Variants in DGKI observed in about 807,000 individuals in gnomAD.
DGKI encodes DAG kinase iota.
A neutral mutation model predicts 147.5 loss-of-function variants in DGKI; 55 were observed. The observed-to-expected ratio is 0.37, with a 90% confidence interval of 0.30 to 0.47. The LOEUF is 0.47. Among genes scored for constraint, DGKI ranks in the 20% least tolerant of loss-of-function variants. The pLI is 1.00. For missense variants in DGKI, 1,007 were observed against 1,323.8 expected, an observed-to-expected ratio of 0.76 and a Z score of 3.71; for synonymous variants, 469 against 477.1, an observed-to-expected ratio of 0.98 and a Z score of 0.22.
At chr7:137,672,032 A>G (rs926080153) in intron 3 of DGKI, among the ~76,000 whole-genome samples, 1 of 152,148 alleles carries the variant, frequency 6.6e-6, no homozygotes, top group African/African-American at 2.4e-5. Flanking sequence ...CTCTTACACA[A>G]CATACACGCT....
intron 1 of DGKI, among the ~76,000 whole-genome samples, chr7:137,800,962 A>G (rs1471884382): frequency 6.6e-6 from 1 of 152,250 alleles, no homozygotes; most frequent in Non-Finnish European, 1.5e-5. Flanking sequence ...TTTGAAGCAA[A>G]GAATTTCAGC....
intron 28 of DGKI, among the ~76,000 whole-genome samples, chr7:137,441,176 T>C (rs1468570970): frequency 6.6e-6 from 1 of 151,982 alleles, no homozygotes; most frequent in African/African-American, 2.4e-5. Context: ...ATCCCAGTAC[T>C]TTGGGAGGCC....
intron 27 of DGKI, among the ~76,000 whole-genome samples, chr7:137,455,545 C>A (rs763906275): frequency 6.8e-6 from 1 of 146,672 alleles, no homozygotes; most frequent in Non-Finnish European, 1.5e-5. Context: ...TGGAGTAAGA[C>A]CAGCATCTCA....
intron 1 of DGKI, among the ~76,000 whole-genome samples, chr7:137,744,607 C>T (rs1795271093): frequency 6.6e-6 from 1 of 152,020 alleles, no homozygotes; most frequent in Non-Finnish European, 1.5e-5. Context: ...AAACTATAGG[C>T]CAATATCCCT....
Position 137,387,555 on chromosome 7 carries a change from T to C in DGKI, c.*3665A>G, listed in dbSNP as rs1307992771. The C allele has an allele frequency of 1.3e-5, 2 of 152,174 alleles. No homozygotes were observed. Among genetic ancestry groups the C allele is most frequent in the Non-Finnish European group, 2.9e-5 (2 of 68,040 alleles). 9.4% of individuals were successfully genotyped at this position (152,174 alleles called of 1,614,324 possible). A position where few individuals can be genotyped will look rare whatever the true frequency, so the allele number is the denominator to read the frequency against. ...ATACTTGCATGTGTATATAAATAAATGTCTATATATGTGTGTAAATGTATA... is the reference window on the plus strand; with the variant it reads ...ATACTTGCATGTGTATATAAATAAACGTCTATATATGTGTGTAAATGTATA... On this transcript the variant is annotated 3_prime_UTR_variant, in exon 33 of 33. Coordinates refer to ENST00000614521, the MANE Select transcript of DGKI (RefSeq NM_001321708.2).
chr7:137,541,416 C>T (rs1481138768), intron 20 of DGKI, among the ~76,000 whole-genome samples: 1 of 152,184 alleles, frequency 6.6e-6, no homozygotes, highest in Non-Finnish European at 1.5e-5. Context: ...CCAAACAATG[C>T]ATTTAACAAC....
chr7:137,499,793 T>C (rs2128941887), intron 21 of DGKI, among the ~76,000 whole-genome samples: 1 of 152,292 alleles, frequency 6.6e-6, no homozygotes, highest in African/African-American at 2.4e-5. Context: ...TGGGACTTCT[T>C]GGCCACTATA....
rs2128889686 is a variant in DGKI at position 137,383,643 on chromosome 7, A to T, written c.*7577T>A. On this transcript the variant is annotated 3_prime_UTR_variant, in exon 33 of 33. Coordinates refer to ENST00000614521, the MANE Select transcript of DGKI (RefSeq NM_001321708.2). Reference sequence around the variant, plus strand: ...TAGAAGAAACAGTGATAACAACTTCACTGTTTTTCAGAAAGCCCAAACTGT... The same window carrying T: ...TAGAAGAAACAGTGATAACAACTTCTCTGTTTTTCAGAAAGCCCAAACTGT... 6.6e-6 allele frequency: 1 copy of T among 152,136 alleles called. No individual in the cohort carries two copies. Among genetic ancestry groups the T allele is most frequent in the East Asian group, 1.9e-4 (1 of 5,174 alleles). 9.4% of individuals were successfully genotyped at this position (152,136 alleles called of 1,614,324 possible).
intron 10 of DGKI, among the ~76,000 whole-genome samples, chr7:137,603,284 C>T (rs895349337): frequency 4.6e-5 from 7 of 152,178 alleles, no homozygotes; most frequent in African/African-American, 1.4e-4. Flanking sequence ...GCTCATCAAT[C>T]TTCATCAAAG....
intron 21 of DGKI, among the ~76,000 whole-genome samples, chr7:137,508,200 T>C (rs1164602837): frequency 1.3e-5 from 2 of 150,520 alleles, no homozygotes; most frequent in Non-Finnish European, 3.0e-5. Flanking sequence ...CTTAGCATGA[T>C]GGAACTTTAG....
chr7:137,513,112 A>G (rs1704117599), intron 21 of DGKI, among the ~76,000 whole-genome samples: 1 of 152,178 alleles, frequency 6.6e-6, no homozygotes, highest in Non-Finnish European at 1.5e-5. Flanking sequence ...GATACTATCC[A>G]TTTCCAACTT....
At chr7:137,539,359 G>C (rs980881131) in intron 20 of DGKI, among the ~76,000 whole-genome samples, 1 of 152,102 alleles carries the variant, frequency 6.6e-6, no homozygotes, top group African/African-American at 2.4e-5. Flanking sequence ...AAGTACCAGG[G>C]ATGACAGCAG....
chr7:137,579,834 T>C (rs933858239), intron 15 of DGKI, among the ~76,000 whole-genome samples: 4 of 152,180 alleles, frequency 2.6e-5, no homozygotes, highest in Admixed American at 2.6e-4. Context: ...AATTGTTTTA[T>C]AATCACATAC....
chr7:137,638,084 CTTCCCTTACCCCT>C (rs1821377122), intron 6 of DGKI, among the ~76,000 whole-genome samples: 1 of 152,062 alleles, frequency 6.6e-6, no homozygotes, highest in Non-Finnish European at 1.5e-5. Flanking sequence ...TTGGGAACTG[CTTCCCTTACCCCT>C]TTCCAAGCCT....
rs1373562110 is a variant in DGKI, at chr7:137,381,964, C to T, written c.*9256G>A. 2.0e-5 allele frequency: 3 copies of T among 152,012 alleles called. No individual in the cohort carries two copies. Among genetic ancestry groups the T allele is most frequent in the Non-Finnish European group, 4.4e-5 (3 of 67,978 alleles). 9.4% of individuals were successfully genotyped at this position (152,012 alleles called of 1,614,324 possible). On this transcript the variant is annotated 3_prime_UTR_variant, in exon 33 of 33. Transcript: ENST00000614521. ...GCTTGTATGTAATTAGAGTCTCAAT[C>T]CAACCAATGATGGGTGGGGAGAGTG...
At chr7:137,488,740 G>C (rs1308821215) in intron 21 of DGKI, among the ~76,000 whole-genome samples, 2 of 151,958 alleles carry the variant, frequency 1.3e-5, no homozygotes, top group East Asian at 3.9e-4. Context: ...AAGTACTAGG[G>C]CCTTAAAAAT....
intron 1 of DGKI, among the ~76,000 whole-genome samples, chr7:137,801,144 A>G (rs1247791858): frequency 2.6e-5 from 4 of 152,174 alleles, no homozygotes; most frequent in Non-Finnish European, 5.9e-5. Flanking sequence ...ACTCTTATGC[A>G]CTGATTTGTC....
At chr7:137,669,897 A>C (rs1163368842) in intron 3 of DGKI, among the ~76,000 whole-genome samples, 1 of 152,188 alleles carries the variant, frequency 6.6e-6, no homozygotes, top group Non-Finnish European at 1.5e-5. Context: ...GGAAAACTGC[A>C]AAGCATTGTG....
At chr7:137,628,520 C>T (rs1821021253) in intron 6 of DGKI, among the ~76,000 whole-genome samples, 1 of 152,144 alleles carries the variant, frequency 6.6e-6, no homozygotes. Context: ...CCAAAATGAA[C>T]CAGATTCCCA....
Sources: gnomAD v4.1 joint callset for allele counts (sites outside exome capture counted in the v4.1 genomes callset) on GRCh38, gnomAD v4.1.1 for gene constraint, MANE v1.5 for transcripts, NCBI Gene and HGNC (gene_info 2026-07-23, HGNC 2026-07-21) for gene names.